Variants in SLC35F3 observed in about 807,000 individuals in gnomAD.
SLC35F3 encodes putative thiamine transporter SLC35F3.
SLC35F3 carries 25 observed loss-of-function variants against 49.9 expected under a neutral mutation model. The observed-to-expected ratio is 0.50, with a 90% CI of 0.37 to 0.70. The LOEUF is 0.70. SLC35F3 is among the 30% of genes least tolerant of loss of function. The pLI is 0.00. For synonymous variants in SLC35F3, 275 were observed against 265.4 expected (o/e 1.04, Z -0.35); for missense variants, 525 against 639.8 (o/e 0.82, Z 1.94).
At chr1:233,929,395 TGTAA>T (rs1237623488) in intron 2 of SLC35F3, among the ~76,000 whole-genome samples, 1 of 152,226 alleles carries the variant, frequency 6.6e-6, no homozygotes, top group Non-Finnish European at 1.5e-5. Flanking sequence ...TGTACTACTC[TGTAA>T]GTGAGAGTTA....
At position 234,152,310 on chromosome 1, in the gene SLC35F3, G is replaced by C. The variant is rs184723236; in HGVS notation, c.284-79107G>C. Among the ~76,000 whole-genome samples, 455 of 151,694 alleles carry C rather than the reference G, an allele frequency of 3.0e-3. 1 individual carries two copies. Among genetic ancestry groups the C allele is most frequent in the Non-Finnish European group, 5.1e-3 (346 of 67,974 alleles). On this transcript the variant is annotated intron_variant, in intron 2 of 7. Coordinates refer to ENST00000366618, the MANE Select transcript of SLC35F3 (RefSeq NM_173508.4). Reference sequence around the variant, plus strand: ...GCAGGTTTGTTACATAGGAATACACGTGCCATGGTGGTTTGCTGCACTCAT... The same window carrying C: ...GCAGGTTTGTTACATAGGAATACACCTGCCATGGTGGTTTGCTGCACTCAT...
At chr1:234,228,123 C>T (rs562488744) in intron 2 of SLC35F3, among the ~76,000 whole-genome samples, 2 of 152,326 alleles carry the variant, frequency 1.3e-5, no homozygotes, top group Non-Finnish European at 2.9e-5. Context: ...CTGGCAGTTT[C>T]TCCTGTGGCA....
At chr1:233,976,031 G>C (rs1663074686) in intron 2 of SLC35F3, among the ~76,000 whole-genome samples, 1 of 152,152 alleles carries the variant, frequency 6.6e-6, no homozygotes, top group Non-Finnish European at 1.5e-5. Context: ...TACCCTTAGT[G>C]AACCAGTGCA....
intron 2 of SLC35F3, among the ~76,000 whole-genome samples, chr1:234,002,776 A>G (rs902946777): frequency 1.3e-5 from 2 of 152,150 alleles, no homozygotes; most frequent in Non-Finnish European, 2.9e-5. Flanking sequence ...GAGTCTACAT[A>G]AATCATTTGG....
intron 2 of SLC35F3, among the ~76,000 whole-genome samples, chr1:234,224,291 C>A (rs1025295657): frequency 1.3e-5 from 2 of 152,024 alleles, no homozygotes; most frequent in Admixed American, 6.6e-5. Flanking sequence ...GGTCTTGAAC[C>A]CCTGGGCTCA....
chr1:234,118,091 G>T lies in SLC35F3; in HGVS notation c.284-113326G>T, dbSNP rs529748107. Among the ~76,000 whole-genome samples, 5 of 152,012 alleles carry T rather than the reference G, an allele frequency of 3.3e-5. No individual in the cohort carries two copies. In the South Asian group the frequency reaches 1.0e-3, roughly 32 times the overall value. ...GGGATATCCAGACTCAATTGGGATT[G>T]CTAGTTAACACTGTGCTTTGTTTTA... On this transcript the variant is annotated intron_variant, in intron 2 of 7. Coordinates refer to ENST00000366618, the MANE Select transcript of SLC35F3 (RefSeq NM_173508.4).
chr1:234,205,561 G>C (rs780746225), intron 2 of SLC35F3, among the ~76,000 whole-genome samples: 17 of 152,214 alleles, frequency 1.1e-4, no homozygotes, highest in Non-Finnish European at 2.4e-4. Context: ...GACTCCACTA[G>C]GGCTCTGACC....
chr1:234,322,362 T>G (rs1015928227), intron 7 of SLC35F3, among the ~76,000 whole-genome samples: 1 of 152,182 alleles, frequency 6.6e-6, no homozygotes, highest in African/African-American at 2.4e-5. Flanking sequence ...GATTCACATA[T>G]GTTGTATGTG....
Position 233,957,076 on chromosome 1 carries a change from T to C in SLC35F3, c.283+51318T>C, listed in dbSNP as rs1226408411. On this transcript the variant is annotated intron_variant, in intron 2 of 7. Coordinates refer to ENST00000366618, the MANE Select transcript of SLC35F3 (RefSeq NM_173508.4). This position sits in a 1 kb window ranked among gnomAD's most constrained non-coding sequence, Gnocchi z 4.0. ...TAAGTGAAGAAGCCTTTGCCGGTTT[T>C]ATTTTTCCTGGTATCCTCTCTCTTA... Among the ~76,000 whole-genome samples, 1 of 152,196 alleles carries C rather than the reference T, an allele frequency of 6.6e-6. No homozygotes were observed. Among genetic ancestry groups the C allele is most frequent in the Non-Finnish European group, 1.5e-5 (1 of 68,036 alleles).
chr1:234,130,944 A>AAG lies in SLC35F3; in HGVS notation c.284-100473_284-100472insAG, dbSNP rs35694091. 1.6e-4 allele frequency among the ~76,000 whole-genome samples: 24 copies of AAG among 152,040 alleles called. No individual in the cohort carries two copies. The South Asian group carries it at 2.5e-3, about 16-fold the overall frequency. On this transcript the variant is annotated intron_variant, in intron 2 of 7. Coordinates refer to ENST00000366618, the MANE Select transcript of SLC35F3 (RefSeq NM_173508.4). ...TGTGACAATAGAATGGATAAAAAAA[A>AAG]TTTATATATTCAGACACAGGAATAC...
chr1:234,014,095 A>G (rs965014185), intron 2 of SLC35F3, among the ~76,000 whole-genome samples: 2 of 152,178 alleles, frequency 1.3e-5, no homozygotes. Context: ...ATCCTCAATA[A>G]AATACCAGCA....
intron 2 of SLC35F3, among the ~76,000 whole-genome samples, chr1:233,918,146 G>T (rs1662000941): frequency 1.3e-5 from 2 of 152,258 alleles, no homozygotes; most frequent in Non-Finnish European, 2.9e-5. Flanking sequence ...CAAAGGGAAG[G>T]CTGTGCCTCT....
At chr1:233,936,163 C>T (rs1379996096) in intron 2 of SLC35F3, among the ~76,000 whole-genome samples, 1 of 152,150 alleles carries the variant, frequency 6.6e-6, no homozygotes, top group African/African-American at 2.4e-5. Context: ...AATATTATTA[C>T]CTATCTGAGA....
intron 2 of SLC35F3, among the ~76,000 whole-genome samples, chr1:234,008,546 A>G (rs1663665835): frequency 1.3e-5 from 2 of 152,194 alleles, no homozygotes; most frequent in African/African-American, 2.4e-5. Context: ...TCTGCACTAC[A>G]GAAAGTTCTT....
At chr1:234,108,535 AAG>A in intron 2 of SLC35F3, among the ~76,000 whole-genome samples, 1 of 108,180 alleles carries the variant, frequency 9.2e-6, no homozygotes, top group Non-Finnish European at 1.7e-5. Context: ...TTATATATAA[AAG>A]ATATATATTA....
intron 4 of SLC35F3, among the ~76,000 whole-genome samples, chr1:234,313,223 A>G (rs480993): frequency 0.76 from 115,559 of 152,110 alleles, 44,774 homozygotes; most frequent in African/African-American, 0.92. Flanking sequence ...TAGTCTCAAC[A>G]GTGATTAGAC....
At chr1:233,932,457 A>G (rs1294655476) in intron 2 of SLC35F3, among the ~76,000 whole-genome samples, 1 of 152,204 alleles carries the variant, frequency 6.6e-6, no homozygotes, top group Non-Finnish European at 1.5e-5. Flanking sequence ...ATCTGTGGTG[A>G]TAATGATCCG....
intron 2 of SLC35F3, among the ~76,000 whole-genome samples, chr1:234,199,762 CA>C (rs34246932): frequency 6.6e-6 from 1 of 151,874 alleles, no homozygotes. Flanking sequence ...GGCTAATATA[CA>C]AAAAAATAAG....
intron 2 of SLC35F3, among the ~76,000 whole-genome samples, chr1:234,205,728 GA>G (rs1558259759): frequency 1.3e-5 from 2 of 152,212 alleles, no homozygotes; most frequent in African/African-American, 4.8e-5. Context: ...ATATCCAGAA[GA>G]AAATTCCTCA....
Sources: allele counts gnomAD v4.1 joint callset (sites outside exome capture counted in the v4.1 genomes callset), GRCh38; gene constraint gnomAD v4.1.1; non-coding constraint Gnocchi (gnomAD v3.1); transcripts MANE v1.5; gene names NCBI Gene and HGNC (gene_info 2026-07-23, HGNC 2026-07-21).